Variants in GRXCR1 observed in about 807,000 individuals in gnomAD.
GRXCR1 encodes the protein glutaredoxin domain-containing cysteine-rich protein 1.
In GRXCR1, 27 loss-of-function variants were observed where a neutral mutation model predicts 27.3. That is an observed-to-expected ratio of 0.99 (90% CI 0.73 to 1.37). GRXCR1 has a LOEUF of 1.37. Ranked by LOEUF, GRXCR1 falls within the 40% of genes most tolerant of loss-of-function variation. The pLI is 0.00. For missense variants in GRXCR1, 379 were observed against 354.4 expected, an observed-to-expected ratio of 1.07 and a Z score of -0.56; for synonymous variants, 122 against 131.1, an observed-to-expected ratio of 0.93 and a Z score of 0.47.
At chr4:42,899,087 C>T (rs1377832583) in intron 1 of GRXCR1, among the ~76,000 whole-genome samples, 8 of 152,162 alleles carry the variant, frequency 5.3e-5, no homozygotes, top group South Asian at 2.1e-4. Context: ...ATGGTATTAG[C>T]GCACATACTG....
At chr4:42,985,221 C>T (rs1711676533) in intron 2 of GRXCR1, among the ~76,000 whole-genome samples, 1 of 152,148 alleles carries the variant, frequency 6.6e-6, no homozygotes, top group South Asian at 2.1e-4. Context: ...TCCTCTTCTG[C>T]CATGTTGCTT....
chr4:43,023,299 C>A (rs917081026), intron 3 of GRXCR1, among the ~76,000 whole-genome samples: 2 of 152,156 alleles, frequency 1.3e-5, no homozygotes, highest in Non-Finnish European at 2.9e-5. Flanking sequence ...TCCTGGTCCT[C>A]ATAATTCAGG....
chr4:42,998,820 A>C (rs1239657507), intron 2 of GRXCR1, among the ~76,000 whole-genome samples: 1 of 152,194 alleles, frequency 6.6e-6, no homozygotes, highest in Non-Finnish European at 1.5e-5. Context: ...GACTATGGTC[A>C]ATAGTTGGAA....
At chr4:43,029,334 G>T (rs1301506277) in intron 3 of GRXCR1, among the ~76,000 whole-genome samples, 1 of 151,992 alleles carries the variant, frequency 6.6e-6, no homozygotes, top group Non-Finnish European at 1.5e-5. Context: ...GTATGTGTTT[G>T]TGTGTGTGTG....
At chr4:43,001,900 G>A (rs1440121392) in intron 2 of GRXCR1, among the ~76,000 whole-genome samples, 1 of 152,190 alleles carries the variant, frequency 6.6e-6, no homozygotes, top group Non-Finnish European at 1.5e-5. Context: ...AAACATGTGA[G>A]CAAAATAATC....
intron 2 of GRXCR1, among the ~76,000 whole-genome samples, chr4:42,989,269 G>A (rs1711881123): frequency 6.6e-6 from 1 of 152,126 alleles, no homozygotes; most frequent in African/African-American, 2.4e-5. Context: ...TTGACTTGCA[G>A]GTGGCTGCCT....
At chr4:42,982,624 T>A (rs1748702986) in intron 2 of GRXCR1, among the ~76,000 whole-genome samples, 1 of 126,610 alleles carries the variant, frequency 7.9e-6, no homozygotes, top group African/African-American at 2.9e-5. Context: ...CCCTGAGGAA[T>A]CGCCACACTG....
At chr4:42,893,703 A>G in intron 1 of GRXCR1, 53 bp downstream of exon 1, 2 of 1,544,982 alleles carry the variant, frequency 1.3e-6, no homozygotes, top group Non-Finnish European at 1.8e-6. Flanking sequence ...TCACCATCTG[A>G]ACACCTCTCA....
intron 2 of GRXCR1, among the ~76,000 whole-genome samples, chr4:42,967,362 T>C (rs1358726952): frequency 1.3e-5 from 2 of 152,144 alleles, no homozygotes; most frequent in Non-Finnish European, 2.9e-5. Context: ...TATGTTTATA[T>C]GGATCTATTT....
At chr4:42,912,199 T>C (rs1746736724) in intron 1 of GRXCR1, among the ~76,000 whole-genome samples, 1 of 152,124 alleles carries the variant, frequency 6.6e-6, no homozygotes, top group Admixed American at 6.5e-5. Context: ...TCATGGGGAT[T>C]TGAGGAGATT....
At chr4:43,002,029 C>T (rs1315334090) in intron 2 of GRXCR1, among the ~76,000 whole-genome samples, 5 of 152,262 alleles carry the variant, frequency 3.3e-5, no homozygotes, top group Non-Finnish European at 4.4e-5. Context: ...AGCATTACTG[C>T]AAACATGTCT....
intron 1 of GRXCR1, among the ~76,000 whole-genome samples, chr4:42,898,352 T>C (rs866251498): frequency 6.6e-6 from 1 of 152,190 alleles, no homozygotes; most frequent in Middle Eastern, 3.4e-3. Context: ...TAACATCGTT[T>C]GATTAAAGTG....
At chr4:42,894,287 A>T (rs140361323) in intron 1 of GRXCR1, among the ~76,000 whole-genome samples, 1 of 152,174 alleles carries the variant, frequency 6.6e-6, no homozygotes, top group Non-Finnish European at 1.5e-5. Context: ...AACATTTATT[A>T]CTTTAAATGT....
intron 1 of GRXCR1, among the ~76,000 whole-genome samples, chr4:42,932,619 T>TATATATATATATATACAG (rs1249820617): frequency 8.7e-5 from 2 of 22,924 alleles, no homozygotes; most frequent in Non-Finnish European, 1.5e-4. Flanking sequence ...TATATATATA[T>TATATATATATATATACAG]AGAGAGAGAG....
intron 2 of GRXCR1, among the ~76,000 whole-genome samples, chr4:43,006,612 G>T (rs541858991): frequency 1.1e-4 from 16 of 152,230 alleles, no homozygotes; most frequent in Non-Finnish European, 2.1e-4. Flanking sequence ...TCAAAACACT[G>T]TCTCCTGATA....
chr4:42,898,932 T>G (rs1746407257), intron 1 of GRXCR1, among the ~76,000 whole-genome samples: 1 of 152,090 alleles, frequency 6.6e-6, no homozygotes, highest in African/African-American at 2.4e-5. Flanking sequence ...ACTAAGAGAT[T>G]AAGTGACTTA....
chr4:42,928,209 C>T (rs1010499749), intron 1 of GRXCR1, among the ~76,000 whole-genome samples: 1 of 151,962 alleles, frequency 6.6e-6, no homozygotes, highest in Non-Finnish European at 1.5e-5. Flanking sequence ...TACTTCTACT[C>T]TTGGAAGCAC....
At chr4:42,980,182 C>G (rs536328794) in intron 2 of GRXCR1, among the ~76,000 whole-genome samples, 1 of 151,606 alleles carries the variant, frequency 6.6e-6, no homozygotes, top group Non-Finnish European at 1.5e-5. Context: ...ATTCTACTAT[C>G]TTTGAGTTTA....
At chr4:42,934,717 TA>T (rs1747416795) in intron 1 of GRXCR1, among the ~76,000 whole-genome samples, 1 of 151,968 alleles carries the variant, frequency 6.6e-6, no homozygotes, top group African/African-American at 2.4e-5. Flanking sequence ...GCTCTGTGAA[TA>T]AACTTTGCAA....
Sources: allele counts gnomAD v4.1 joint callset (sites outside exome capture counted in the v4.1 genomes callset), GRCh38; gene constraint gnomAD v4.1.1; transcripts MANE v1.5; gene names NCBI Gene and HGNC (gene_info 2026-07-23, HGNC 2026-07-21).